Variants in BCL9L observed in about 807,000 individuals in gnomAD.
BCL9L encodes the protein B-cell CLL/lymphoma 9-like protein.
Under a neutral mutation model 99.4 loss-of-function variants are expected in BCL9L, and 19 were observed. That is an observed-to-expected ratio of 0.19 (90% CI 0.13 to 0.28). The LOEUF is 0.28. Ranked by LOEUF, BCL9L falls within the 10% of genes least tolerant of loss-of-function variation. The pLI, the probability that BCL9L is intolerant of heterozygous loss-of-function variation, is 1.00. For synonymous variants in BCL9L, 900 were observed against 854.8 expected, an observed-to-expected ratio of 1.05 and a Z score of -0.92; for missense variants, 2,023 against 2,101.6, an observed-to-expected ratio of 0.96 and a Z score of 0.73.
chr11:118,899,678 A>T (rs979689037), intron 9 of BCL9L, among the ~76,000 whole-genome samples, 170 bp from the exon 10 acceptor site: 1 of 152,104 alleles, frequency 6.6e-6, no homozygotes, highest in Non-Finnish European at 1.5e-5. Context: ...GCTAGAAGCC[A>T]AGAGACCAAG....
chr11:118,910,999 G>A, intron 2 of BCL9L: 2 of 282,232 alleles, frequency 7.1e-6, no homozygotes, highest in Non-Finnish European at 1.4e-5. Flanking sequence ...CACCGGGGCT[G>A]CCCGAGGGCT....
rs1345832941 is a variant in BCL9L, at chr11:118,922,085, G to A, written c.-131+3153C>T. 6.6e-6 allele frequency among the ~76,000 whole-genome samples: 1 copy of A among 152,080 alleles called. No homozygotes were observed. Among genetic ancestry groups the A allele is most frequent in the African/African-American group, 2.4e-5 (1 of 41,412 alleles). On this transcript the variant is annotated intron_variant, in intron 1 of 9. Coordinates refer to ENST00000683865, the MANE Select transcript of BCL9L (RefSeq NM_001378213.1). The surrounding 1 kb of genome is among the most constrained non-coding windows in gnomAD (Gnocchi z 6.2). The stretch of plus-strand genomic sequence containing the variant: ...ACACCCAGGAAGTCGCCCCTCCCAC[G>A]GCAGCCAGAATGCCCTTACTGCCCC...
Position 118,924,218 on chromosome 11 carries a change from CAGA to C in BCL9L, c.-131+1017_-131+1019del, listed in dbSNP as rs1420338313. On this transcript the variant is annotated intron_variant, in intron 1 of 9. Coordinates refer to ENST00000683865, the MANE Select transcript of BCL9L (RefSeq NM_001378213.1). ...ACTAAACCAAGGCTGGGAGTGAGGG[CAGA>C]AGATCCAGGGAGGCTTGGAACCCCT... Among the ~76,000 whole-genome samples, 14 of 152,152 alleles carry C rather than the reference CAGA, an allele frequency of 9.2e-5. No homozygotes were observed. The East Asian group carries it at 2.7e-3, about 29-fold the overall frequency.
intron 5 of BCL9L, 122 bp downstream of exon 5, chr11:118,907,361 G>T: frequency 2.0e-6 from 3 of 1,507,454 alleles, no homozygotes; most frequent in Middle Eastern, 3.5e-4. Context: ...AGTCTGAGAG[G>T]TAGGATGGGA....
chr11:118,924,727 A>G (rs1483284862), intron 1 of BCL9L, among the ~76,000 whole-genome samples: 4 of 152,120 alleles, frequency 2.6e-5, no homozygotes, highest in African/African-American at 9.7e-5. Context: ...CACATCACTC[A>G]GAAGCCTTGG....
chr11:118,906,366 G>C (rs143925571), intron 5 of BCL9L, among the ~76,000 whole-genome samples: 3 of 152,152 alleles, frequency 2.0e-5, no homozygotes, highest in Admixed American at 6.5e-5. Context: ...TTAGTCCCAC[G>C]GGGGAGAGAG....
At position 118,897,143 on chromosome 11, in the gene BCL9L, G is replaced by A. The variant is rs1280264256; in HGVS notation, c.*1272C>T. The A allele has an allele frequency of 2.6e-5, 4 of 153,432 alleles. No homozygotes were observed. The highest frequency in any genetic ancestry group is 5.8e-5 in the Non-Finnish European group (4 of 68,618). 9.5% of individuals were successfully genotyped at this position (153,432 alleles called of 1,614,324 possible). A position where few individuals can be genotyped will look rare whatever the true frequency, so the allele number is the denominator to read the frequency against. ...TCCCCGATTCCATCCTCAGGGAGTG[G>A]AGACTGGAGGGGAGGTGCACTGACT... On this transcript the variant is annotated 3_prime_UTR_variant, in exon 10 of 10. Coordinates refer to ENST00000683865, the MANE Select transcript of BCL9L (RefSeq NM_001378213.1).
rs962986281 is a variant in BCL9L at position 118,908,593 on chromosome 11, C to G, written c.89G>C (p.Cys30Ser). 2 of 1,613,368 alleles carry G rather than the reference C, an allele frequency of 1.2e-6. No individual in the cohort carries two copies. The highest frequency in any genetic ancestry group is 1.7e-6 in the Non-Finnish European group (2 of 1,179,912). ...CATTGGCTTGGCTGGGGCAGGGGGG[C>G]AATGACCGCGGGGGGACAGCGGCGG... ...GSPPLSPRGH[C>S]PPAPAKPMHP... is the part of the protein sequence containing the mutation. The change falls in exon 4 of 10, where the codon TGC (cysteine) becomes TCC (serine). Residue 30 changes from cysteine to serine, a missense_variant. Cys to Ser is a moderately radical substitution (Grantham distance 112, BLOSUM62 -1). Transcript: ENST00000683865.
chr11:118,907,656 C>T (rs984041877), intron 4 of BCL9L, 54 bp from the exon 5 acceptor site: 2 of 1,599,086 alleles, frequency 1.3e-6, no homozygotes, highest in East Asian at 2.2e-5. Flanking sequence ...CATTATTCTC[C>T]CACACCCAGG....
In BCL9L at chr11:118,899,149, G is replaced by A; in HGVS notation, c.3766C>T (p.Pro1256Ser). The A allele has an allele frequency of 1.3e-6, 2 of 1,509,678 alleles. No individual in the cohort carries two copies. Among genetic ancestry groups the A allele is most frequent in the Non-Finnish European group, 1.8e-6 (2 of 1,126,200 alleles). The allele number at this position is 1,509,678 out of a possible 1,614,324, so 93.5% of individuals were successfully genotyped here. Residue 1256 changes from proline to serine, a missense_variant, in exon 10 of 10, where the codon CCG becomes TCG. Pro to Ser is a moderately conservative substitution (Grantham distance 74, BLOSUM62 -1). Around this residue, in one of 3 missense-constraint regions of BCL9L, gnomAD observed 902 missense variants for 888.2 expected, o/e 1.02. Coordinates refer to ENST00000683865, the MANE Select transcript of BCL9L (RefSeq NM_001378213.1). ...TCGGGAGGCAGGGCCATGCCTGACGGGTAGTGCTGCTGCAGGCCAGGCCCC... is the reference window on the plus strand; with the variant it reads ...TCGGGAGGCAGGGCCATGCCTGACGAGTAGTGCTGCTGCAGGCCAGGCCCC... ...GGGPGLQQHYPSGMALPPEDL... is the reference protein window; with the variant it reads ...GGGPGLQQHYSSGMALPPEDL...
chr11:118,908,194 A>G, intron 4 of BCL9L, 76 bp downstream of exon 4: 1 of 1,497,974 alleles, frequency 6.7e-7, no homozygotes, highest in Non-Finnish European at 8.9e-7. Context: ...CAGGGAGCAG[A>G]GAGGTGATCT....
intron 1 of BCL9L, among the ~76,000 whole-genome samples, chr11:118,923,741 C>T (rs1248269619): frequency 1.3e-5 from 2 of 152,190 alleles, no homozygotes; most frequent in African/African-American, 4.8e-5. Flanking sequence ...AGCAGGGAAC[C>T]CCTAGAGGGA....
chr11:118,904,618 G>A (rs533824843), intron 5 of BCL9L, among the ~76,000 whole-genome samples: 1 of 152,172 alleles, frequency 6.6e-6, no homozygotes, highest in South Asian at 2.1e-4. Flanking sequence ...CTAGGTGAGT[G>A]GGTAGACCCA....
In BCL9L at chr11:118,902,675, C is replaced by T. The variant is rs145053792; in HGVS notation, c.1068G>A (p.Pro356=). Reference sequence around the variant, plus strand: ...GAGGGTTGTTGGCGGTGGTAGCCGTCGGGGTGTTAGGGTGGGTGCCCCCAG... The same window carrying T: ...GAGGGTTGTTGGCGGTGGTAGCCGTTGGGGTGTTAGGGTGGGTGCCCCCAG... The part of the protein sequence containing the change: ...GGTGGTHPNT[P]TATTANNPLP... Residue 356 remains proline, a synonymous_variant, in exon 8 of 10, where the codon CCG becomes CCA. Transcript: ENST00000683865. This position sits in a 1 kb window ranked among gnomAD's most constrained non-coding sequence, Gnocchi z 7.8. 32 of 1,599,074 alleles carry T rather than the reference C, an allele frequency of 2.0e-5. No individual in the cohort carries two copies. The highest frequency in any genetic ancestry group is 6.7e-5 in the African/African-American group (5 of 74,816).
At chr11:118,912,037 C>T (rs968260253) in intron 2 of BCL9L, among the ~76,000 whole-genome samples, 1 of 152,266 alleles carries the variant, frequency 6.6e-6, no homozygotes, top group Non-Finnish European at 1.5e-5. Flanking sequence ...CCCTCTCTCC[C>T]ACCCCGCCGC....
intron 4 of BCL9L, 97 bp from the exon 5 acceptor site, chr11:118,907,699 A>G: frequency 6.5e-7 from 1 of 1,535,116 alleles, no homozygotes; most frequent in South Asian, 1.2e-5. Context: ...AAGATGCCCC[A>G]CCCTAGAGGG....
At chr11:118,911,336 G>A (rs1413300263) in intron 2 of BCL9L, 1 of 446,464 alleles carries the variant, frequency 2.2e-6, no homozygotes, top group Non-Finnish European at 4.5e-6. Context: ...TGGAGGCTGG[G>A]CGGGGACCTG....
rs965736563 is a variant in BCL9L, at chr11:118,902,202, G to A, written c.1541C>T (p.Thr514Met). The change falls in exon 8 of 10, where the codon ACG (threonine) becomes ATG (methionine). Residue 514 changes from threonine (T) to methionine (M), a missense_variant. Around this residue, in one of 3 missense-constraint regions of BCL9L, gnomAD observed 1,116 missense variants for 1,194.6 expected, o/e 0.93. Transcript: ENST00000683865. The surrounding 1 kb of genome is among the most constrained non-coding windows in gnomAD (Gnocchi z 7.8). ...MIQRLGQDSLTPEQVAWRKLQ... is the reference protein window; with the variant it reads ...MIQRLGQDSLMPEQVAWRKLQ... The stretch of plus-strand genomic sequence containing the variant: ...CTTGCGCCAGGCCACCTGCTCAGGC[G>A]TGAGGCTGTCCTGGCCCAGCCTCTG... 4.3e-6 allele frequency: 7 copies of A among 1,614,028 alleles called. No homozygotes were observed. Among genetic ancestry groups the A allele is most frequent in the South Asian group, 2.2e-5 (2 of 91,074 alleles).
At position 118,908,453 on chromosome 11, in the gene BCL9L, C is replaced by T; in HGVS notation, c.229G>A (p.Ala77Thr). 1 of 1,614,106 alleles carries T rather than the reference C, an allele frequency of 6.2e-7. No individual in the cohort carries two copies. The highest frequency in any genetic ancestry group is 1.1e-5 in the South Asian group (1 of 91,082). The change falls in exon 4 of 10, where the codon GCG becomes ACG. Residue 77 changes from alanine to threonine, a missense_variant. By Grantham distance (58) the Ala-to-Thr change is moderately conservative. Coordinates refer to ENST00000683865, the MANE Select transcript of BCL9L (RefSeq NM_001378213.1). ...TTGGCCTTGGCCCCATGGTTCCCCG[C>T]CCCCACGCCCTTCGAGCCCACGTTG... is the stretch of plus-strand genomic sequence containing the variant. ...TCNVGSKGVGAGNHGAKANQI... is the reference protein window; with the variant it reads ...TCNVGSKGVGTGNHGAKANQI...
Sources: gnomAD v4.1 joint callset for allele counts (sites outside exome capture counted in the v4.1 genomes callset) on GRCh38, gnomAD v4.1.1 for gene constraint, gnomAD v4.1.1 regional missense constraint, Gnocchi (gnomAD v3.1) non-coding constraint, MANE v1.5 for transcripts, NCBI Gene and HGNC (gene_info 2026-07-23, HGNC 2026-07-21) for gene names.